The following CRISP1 variants were observed in gnomAD, a reference collection of about 807,000 sequenced individuals.
CRISP1 encodes cysteine rich secretory protein 1.
A neutral mutation model predicts 33.1 loss-of-function variants in CRISP1; 44 were observed. That is an observed-to-expected ratio of 1.33 (90% CI 1.05 to 1.71). The LOEUF (loss-of-function observed/expected upper bound fraction) is 1.71. Among genes scored for constraint, CRISP1 ranks in the 40% most tolerant of loss-of-function variants. The pLI is 0.00. For missense variants in CRISP1, 390 were observed against 301.2 expected, an observed-to-expected ratio of 1.29 and a Z score of -2.18; for synonymous variants, 103 against 98.7, an observed-to-expected ratio of 1.04 and a Z score of -0.26.
At chr6:49,850,522 G>C (rs949789777) in intron 3 of CRISP1, among the ~76,000 whole-genome samples, 1 of 151,794 alleles carries the variant, frequency 6.6e-6, no homozygotes, top group Admixed American at 6.6e-5. Context: ...ATCTCTGCCT[G>C]GTAATTGTGG....
In CRISP1 at chr6:49,836,561, G is replaced by A. The variant is rs537642409; in HGVS notation, c.623-1118C>T. On this transcript the variant is annotated intron_variant, in intron 7 of 7. Transcript: ENST00000335847. ...CACCATGTTAGCCAGGGTGGTCTAC[G>A]ATCTCCTGACCTCGTGATCCGCCCG... is the stretch of plus-strand genomic sequence containing the variant. Among the ~76,000 whole-genome samples, 22 of 151,714 alleles carry A rather than the reference G, an allele frequency of 1.5e-4. 1 individual carries two copies. In the South Asian group the frequency reaches 4.0e-3, roughly 27 times the overall value.
At chr6:49,871,816 T>C (rs1459326834) in intron 1 of CRISP1, among the ~76,000 whole-genome samples, 1 of 152,162 alleles carries the variant, frequency 6.6e-6, no homozygotes, top group Non-Finnish European at 1.5e-5. Context: ...ACATTTGGGT[T>C]GCTTCCAAGT....
chr6:49,872,867 T>A (rs1399901867), intron 1 of CRISP1, among the ~76,000 whole-genome samples: 1 of 152,178 alleles, frequency 6.6e-6, no homozygotes, highest in Non-Finnish European at 1.5e-5. Flanking sequence ...TGGCTTAGGA[T>A]TGGCTTGGCA....
chr6:49,866,069 T>C (rs1771792163), intron 1 of CRISP1, among the ~76,000 whole-genome samples: 1 of 152,192 alleles, frequency 6.6e-6, no homozygotes, highest in Non-Finnish European at 1.5e-5. Context: ...TACTGGCTAA[T>C]TCTTTTGGCA....
chr6:49,866,728 G>A (rs1198754188), upstream of CRISP1, among the ~76,000 whole-genome samples: 1 of 152,052 alleles, frequency 6.6e-6, no homozygotes, highest in Non-Finnish European at 1.5e-5. Flanking sequence ...TTTACCCTGG[G>A]AACTAACTGC....
At chr6:49,870,587 A>C (rs1771899702), upstream of CRISP1, among the ~76,000 whole-genome samples, 1 of 152,210 alleles carries the variant, frequency 6.6e-6, no homozygotes, top group African/African-American at 2.4e-5. Context: ...CTCGAAGTCA[A>C]GGTCAAGAGA....
intron 2 of CRISP1, among the ~76,000 whole-genome samples, chr6:49,854,884 C>T (rs776710283): frequency 6.6e-6 from 1 of 152,132 alleles, no homozygotes; most frequent in Non-Finnish European, 1.5e-5. Context: ...TCCTGCAAGG[C>T]CCAGAACAGC....
chr6:49,861,584 A>T (rs1200914834), intron 1 of CRISP1, among the ~76,000 whole-genome samples: 1 of 152,122 alleles, frequency 6.6e-6, no homozygotes, highest in Non-Finnish European at 1.5e-5. Context: ...CAAACTAAGA[A>T]TTGAAAGAAC....
chr6:49,855,920 A>C (rs1771482893), intron 2 of CRISP1, among the ~76,000 whole-genome samples: 1 of 152,200 alleles, frequency 6.6e-6, no homozygotes, highest in Admixed American at 6.5e-5. Context: ...TTTATGTAAT[A>C]AATTTGTGTT....
chr6:49,845,481 G>T (rs904145147), intron 5 of CRISP1, among the ~76,000 whole-genome samples: 1 of 152,200 alleles, frequency 6.6e-6, no homozygotes, highest in East Asian at 1.9e-4. Context: ...GATTAATAGA[G>T]CAAAGATGTG....
intron 1 of CRISP1, among the ~76,000 whole-genome samples, chr6:49,863,473 A>G (rs1771707945): frequency 6.6e-6 from 1 of 152,220 alleles, no homozygotes; most frequent in African/African-American, 2.4e-5. Flanking sequence ...ATTCCTTCTT[A>G]ACACAATTAT....
chr6:49,841,759 C>A (rs1262439210), intron 5 of CRISP1, among the ~76,000 whole-genome samples: 1 of 152,046 alleles, frequency 6.6e-6, no homozygotes, highest in Non-Finnish European at 1.5e-5. Context: ...GAAAAGTGAG[C>A]CAGGTTTAAA....
At chr6:49,864,250 G>C (rs1458913101) in intron 1 of CRISP1, among the ~76,000 whole-genome samples, 2 of 151,904 alleles carry the variant, frequency 1.3e-5, no homozygotes, top group Non-Finnish European at 2.9e-5. Flanking sequence ...GTATTCCATG[G>C]TATACACACA....
At chr6:49,861,314 C>T (rs1771646414) in intron 1 of CRISP1, among the ~76,000 whole-genome samples, 1 of 152,024 alleles carries the variant, frequency 6.6e-6, no homozygotes, top group South Asian at 2.1e-4. Context: ...GGCCAATATC[C>T]CTGATGAACA....
intron 2 of CRISP1, among the ~76,000 whole-genome samples, chr6:49,853,102 T>C (rs1325833286): frequency 6.6e-6 from 1 of 152,000 alleles, no homozygotes; most frequent in Non-Finnish European, 1.5e-5. Flanking sequence ...AATATGGAAT[T>C]CAGAAGACTC....
chr6:49,846,609 T>C lies in CRISP1; in HGVS notation c.346A>G (p.Ile116Val). The C allele has an allele frequency of 5.0e-6, 8 of 1,613,606 alleles. No individual in the cohort carries two copies. The highest frequency in any genetic ancestry group is 3.3e-5 in the Admixed American group (2 of 59,914). Residue 116 changes from isoleucine (I) to valine (V), a missense_variant, in exon 5 of 8, where the codon ATT (isoleucine) becomes GTT (valine). Coordinates refer to ENST00000335847, the MANE Select transcript of CRISP1 (RefSeq NM_001131.3). ...GTAGACTCACTGTACCAGACTCCAA[T>C]TACACTTGACCATGATACAGGATAA... ...TSYPVSWSSV[I>V]GVWYSESTSF...
At chr6:49,876,125 A>G (rs749719360) in intron 1 of CRISP1, among the ~76,000 whole-genome samples, 5 of 152,106 alleles carry the variant, frequency 3.3e-5, no homozygotes, top group Admixed American at 6.6e-5. Context: ...ATGGGAGAAA[A>G]TTTTTTCGGT....
In CRISP1 at chr6:49,858,166, T is replaced by A. The variant is rs1201973061; in HGVS notation, c.-2-764A>T. ...ATTTATGTAAGTGACTTAGCGATAT[T>A]CCATAATATCTGATCACTTTGCTAA... On this transcript the variant is annotated intron_variant, in intron 1 of 7. Coordinates refer to ENST00000335847, the MANE Select transcript of CRISP1 (RefSeq NM_001131.3). Among the ~76,000 whole-genome samples the A allele has an allele frequency of 2.0e-5, 3 of 152,182 alleles. No individual in the cohort carries two copies. The South Asian group carries it at 6.2e-4, about 31-fold the overall frequency.
In CRISP1 at chr6:49,866,419, T is replaced by C. The variant is rs1771799049; in HGVS notation, c.-3+10A>G. The C allele has an allele frequency of 6.6e-6, 1 of 152,176 alleles. No homozygotes were observed. Among genetic ancestry groups the C allele is most frequent in the Non-Finnish European group, 1.5e-5 (1 of 68,030 alleles). 9.4% of individuals were successfully genotyped at this position (152,176 alleles called of 1,614,324 possible). A position where few individuals can be genotyped will look rare whatever the true frequency, so the allele number is the denominator to read the frequency against. ...AATAAAGAAACTGACAAAGATATTA[T>C]ATAACTTACCCAAGTCCACACAGCC... is the stretch of plus-strand genomic sequence containing the variant. On this transcript the variant is annotated intron_variant, in intron 1 of 7. Coordinates refer to ENST00000335847, the MANE Select transcript of CRISP1 (RefSeq NM_001131.3).
Sources: gnomAD v4.1 joint callset for allele counts (sites outside exome capture counted in the v4.1 genomes callset) on GRCh38, gnomAD v4.1.1 for gene constraint, MANE v1.5 for transcripts, NCBI Gene and HGNC (gene_info 2026-07-23, HGNC 2026-07-21) for gene names.